Variants in CSMD3 observed in about 807,000 individuals in gnomAD.
CSMD3 encodes CUB and Sushi multiple domains 3, also known as CUB and sushi domain-containing protein 3.
CSMD3 carries 177 observed loss-of-function variants against 435.2 expected under a neutral mutation model. That is an observed-to-expected ratio of 0.41 (90% CI 0.36 to 0.46). The LOEUF (loss-of-function observed/expected upper bound fraction) is 0.46, where lower values mean the gene tolerates loss of function less well. Among genes scored for constraint, CSMD3 ranks in the 20% least tolerant of loss-of-function variants. CSMD3 has a pLI of 0.34. For synonymous variants in CSMD3, 1,656 were observed against 1,520.5 expected (o/e 1.09, Z -2.07); for missense variants, 4,265 against 4,504.6 (o/e 0.95, Z 1.52).
chr8:113,348,973 T>C (rs951391612), intron 1 of CSMD3, among the ~76,000 whole-genome samples: 1 of 152,144 alleles, frequency 6.6e-6, no homozygotes, highest in Non-Finnish European at 1.5e-5. Context: ...ATAATGTTAC[T>C]GGTTTACTAT....
chr8:112,500,528 T>G (rs1039240136), intron 30 of CSMD3, among the ~76,000 whole-genome samples: 6 of 152,114 alleles, frequency 3.9e-5, no homozygotes, highest in Admixed American at 1.3e-4. Context: ...AGTGTAATCT[T>G]GATATCAAAA....
chr8:113,110,550 G>T (rs1049557528), intron 4 of CSMD3, among the ~76,000 whole-genome samples: 13 of 152,026 alleles, frequency 8.6e-5, no homozygotes, highest in African/African-American at 2.9e-4. Context: ...CATCAGAATC[G>T]CTTTTACCAT....
At chr8:112,946,994 T>C (rs2083631988) in intron 9 of CSMD3, among the ~76,000 whole-genome samples, 1 of 151,538 alleles carries the variant, frequency 6.6e-6, no homozygotes, top group Non-Finnish European at 1.5e-5. Flanking sequence ...AATGAATAAG[T>C]AAAAATAAAA....
At chr8:113,327,769 T>TAA (rs530135184) in intron 1 of CSMD3, among the ~76,000 whole-genome samples, 2 of 144,196 alleles carry the variant, frequency 1.4e-5, no homozygotes, top group African/African-American at 2.5e-5. Flanking sequence ...CTCATTTGTT[T>TAA]AAAAAAAAAA....
chr8:112,293,583 C>T (rs1586678415), intron 54 of CSMD3, among the ~76,000 whole-genome samples: 1 of 152,004 alleles, frequency 6.6e-6, no homozygotes, highest in South Asian at 2.1e-4. Context: ...ATCAATCTTA[C>T]TGGTTTCTTC....
chr8:112,617,693 T>C (rs1833764932), intron 22 of CSMD3, among the ~76,000 whole-genome samples: 2 of 152,172 alleles, frequency 1.3e-5, no homozygotes, highest in Admixed American at 1.3e-4. Context: ...TCTAGTATGT[T>C]ACCAGTCATT....
chr8:112,851,543 A>G (rs231308), intron 11 of CSMD3, among the ~76,000 whole-genome samples: 30,751 of 152,088 alleles, frequency 0.2, 3,911 homozygotes, highest in Non-Finnish European at 0.29. Flanking sequence ...AGGCGGGCAG[A>G]TCATGAGGTC....
chr8:112,920,902 CATATAT>C (rs146558665), intron 10 of CSMD3, among the ~76,000 whole-genome samples: 2 of 113,748 alleles, frequency 1.8e-5, no homozygotes, highest in Non-Finnish European at 3.8e-5. Context: ...AATATTTTGC[CATATAT>C]ATATATATAT....
intron 3 of CSMD3, among the ~76,000 whole-genome samples, chr8:113,237,975 C>T (rs1221095168): frequency 2.0e-5 from 3 of 150,062 alleles, no homozygotes; most frequent in Admixed American, 6.7e-5. Flanking sequence ...CTGAGGAGGC[C>T]GAGGCAGGAG....
chr8:113,418,098 G>C (rs1481187289), intron 1 of CSMD3, among the ~76,000 whole-genome samples: 1 of 152,038 alleles, frequency 6.6e-6, no homozygotes, highest in Admixed American at 6.6e-5. Flanking sequence ...CGGAGATATA[G>C]AATTGCTAAG....
At chr8:112,722,490 C>T (rs1349068363) in intron 13 of CSMD3, among the ~76,000 whole-genome samples, 2 of 152,066 alleles carry the variant, frequency 1.3e-5, no homozygotes, top group Non-Finnish European at 2.9e-5. Context: ...TTGCACCCTA[C>T]TTTCAAATTG....
chr8:113,311,127 G>A (rs781720342), intron 2 of CSMD3: 1 of 151,682 alleles, frequency 6.6e-6, no homozygotes, highest in Non-Finnish European at 1.5e-5. Context: ...TTTATTATTC[G>A]GAAAATATAA....
chr8:113,079,806 T>C (rs2089484432), intron 5 of CSMD3, among the ~76,000 whole-genome samples: 1 of 152,214 alleles, frequency 6.6e-6, no homozygotes, highest in African/African-American at 2.4e-5. Flanking sequence ...TATAATATTC[T>C]GACTTCTTGA....
chr8:112,652,674 A>G (rs988171439), intron 18 of CSMD3, among the ~76,000 whole-genome samples: 2 of 152,240 alleles, frequency 1.3e-5, no homozygotes, highest in Non-Finnish European at 2.9e-5. Flanking sequence ...TGACAAGCAA[A>G]TAACTCAAGG....
chr8:112,425,010 T>G (rs1388962), intron 32 of CSMD3, among the ~76,000 whole-genome samples: 35,519 of 152,142 alleles, frequency 0.23, 4,513 homozygotes, highest in East Asian at 0.43. Flanking sequence ...TTAGTAAGAA[T>G]GTTGTTTAAA....
chr8:112,261,909 GA>G (rs916195682), intron 61 of CSMD3, among the ~76,000 whole-genome samples: 25 of 147,816 alleles, frequency 1.7e-4, no homozygotes, highest in Middle Eastern at 3.5e-3. Flanking sequence ...TTTTATTTTA[GA>G]AAAAAAAATA....
intron 59 of CSMD3, among the ~76,000 whole-genome samples, chr8:112,275,311 G>T (rs1817936862): frequency 6.6e-6 from 1 of 152,156 alleles, no homozygotes; most frequent in Non-Finnish European, 1.5e-5. Context: ...ACTTTGGGAG[G>T]CCGAGGCAGA....
Position 113,036,027 on chromosome 8 carries a change from G to A in CSMD3, c.918-16848C>T, listed in dbSNP as rs114069133. On this transcript the variant is annotated intron_variant, in intron 5 of 70. Transcript: ENST00000297405. ...CCTCTTGAACTGATACAATACCCACGAGACTGGTTTAGAAAGCCAATGTTT... is the reference window on the plus strand; with the variant it reads ...CCTCTTGAACTGATACAATACCCACAAGACTGGTTTAGAAAGCCAATGTTT... Among the ~76,000 whole-genome samples the A allele has an allele frequency of 3.0e-3, 454 of 151,736 alleles. 2 individuals are homozygous for A. The highest frequency in any genetic ancestry group is 9.1e-3 in the African/African-American group (378 of 41,466).
chr8:112,851,674 G>C (rs2080492744), intron 11 of CSMD3, among the ~76,000 whole-genome samples: 1 of 151,888 alleles, frequency 6.6e-6, no homozygotes, highest in African/African-American at 2.4e-5. Flanking sequence ...AGAGACAGGA[G>C]AATTGCTTGA....
Sources: gnomAD v4.1 joint callset for allele counts (sites outside exome capture counted in the v4.1 genomes callset) on GRCh38, gnomAD v4.1.1 for gene constraint, MANE v1.5 for transcripts, NCBI Gene and HGNC (gene_info 2026-07-23, HGNC 2026-07-21) for gene names.